Variants in CACNA1C observed in about 807,000 individuals in gnomAD.
CACNA1C encodes the protein voltage-dependent L-type calcium channel subunit alpha-1C.
CACNA1C carries 30 observed loss-of-function variants against 229.0 expected under a neutral mutation model. That is an observed-to-expected ratio of 0.13 (90% CI 0.10 to 0.18). CACNA1C has a LOEUF of 0.18. CACNA1C is among the 10% of genes least tolerant of loss of function. CACNA1C has a pLI of 1.00. For missense variants in CACNA1C, 1,658 were observed against 2,845.0 expected (o/e 0.58, Z 9.49); for synonymous variants, 1,114 against 1,132.5 (o/e 0.98, Z 0.33).
intron 3 of CACNA1C, among the ~76,000 whole-genome samples, chr12:2,320,877 T>G (rs1481577384): frequency 6.6e-6 from 1 of 152,218 alleles, no homozygotes; most frequent in African/African-American, 2.4e-5. Flanking sequence ...CCTCATTCCC[T>G]GCACCTATGG....
rs1195846671 is a variant in CACNA1C at position 1,977,550 on chromosome 12, A to G, written c.139+6349A>G. 2.0e-5 allele frequency among the ~76,000 whole-genome samples: 3 copies of G among 152,216 alleles called. No individual in the cohort carries two copies. The South Asian group carries it at 6.2e-4, about 32-fold the overall frequency. On this transcript the variant is annotated intron_variant, in intron 1 of 46. Transcript: ENST00000682462. ...GCGAATTTTGTTAAGTACACTGTAC[A>G]TGTCTATTTCTTATCTAAATCTGTT...
chr12:2,434,117 C>G (rs2099112137), intron 3 of CACNA1C, among the ~76,000 whole-genome samples: 1 of 152,116 alleles, frequency 6.6e-6, no homozygotes, highest in Non-Finnish European at 1.5e-5. Flanking sequence ...CTTCCTGCAC[C>G]CGCTCCCTCT....
chr12:2,160,998 T>A (rs1262207824), intron 3 of CACNA1C, among the ~76,000 whole-genome samples: 1 of 152,184 alleles, frequency 6.6e-6, no homozygotes, highest in African/African-American at 2.4e-5. Flanking sequence ...ATTTTTATAT[T>A]TTCAGTGCAG....
At chr12:2,116,467 ACCATTGT>A (rs2083915535) in intron 2 of CACNA1C, among the ~76,000 whole-genome samples, 1 of 149,720 alleles carries the variant, frequency 6.7e-6, no homozygotes, top group South Asian at 2.1e-4. Flanking sequence ...CTGGGTTCGC[ACCATTGT>A]CCTGCCTCAG....
intron 1 of CACNA1C, among the ~76,000 whole-genome samples, chr12:2,074,101 A>G (rs2062312483): frequency 6.6e-6 from 1 of 152,226 alleles, no homozygotes; most frequent in Non-Finnish European, 1.5e-5. Flanking sequence ...AATCATTGCC[A>G]TCAAACAAAT....
intron 1 of CACNA1C, among the ~76,000 whole-genome samples, chr12:2,059,855 CT>C (rs2056789772): frequency 6.6e-6 from 1 of 152,110 alleles, no homozygotes; most frequent in Admixed American, 6.5e-5. Flanking sequence ...TGCTGGCCCC[CT>C]GAGAGAGCAT....
intron 29 of CACNA1C, among the ~76,000 whole-genome samples, chr12:2,628,406 A>T (rs1426134424): frequency 6.6e-6 from 1 of 152,208 alleles, no homozygotes; most frequent in African/African-American, 2.4e-5. Context: ...GCCAGATTTC[A>T]TTCAGGAGAG....
Position 2,581,647 on chromosome 12 carries a change from C to A in CACNA1C, c.1953C>A (p.Ile651=). The A allele has an allele frequency of 6.3e-7, 1 of 1,599,810 alleles. No individual in the cohort carries two copies. Among genetic ancestry groups the A allele is most frequent in the Non-Finnish European group, 8.5e-7 (1 of 1,172,582 alleles). The part of the protein sequence containing the change: ...VASLLNSVRS[I]ASLLLLLFLF... ...CCTTGCTGAACTCTGTGCGCTCCAT[C>A]GCCTCCCTGCTCCTTCTCCTCTTCC... Residue 651 remains isoleucine, a synonymous_variant, in exon 14 of 47, where the codon ATC becomes ATA. Transcript: ENST00000399655.
At chr12:2,471,190 A>T (rs1597336300) in intron 5 of CACNA1C, among the ~76,000 whole-genome samples, 1 of 152,240 alleles carries the variant, frequency 6.6e-6, no homozygotes, top group South Asian at 2.1e-4. Flanking sequence ...TAAAATTCAC[A>T]TATTTTAAGT....
In CACNA1C at chr12:2,108,952, C is replaced by T. The variant is rs966650550; in HGVS notation, c.50-6272C>T. On this transcript the variant is annotated intron_variant, in intron 1 of 46. Transcript: ENST00000399655. The surrounding 1 kb of genome is among the most constrained non-coding windows in gnomAD (Gnocchi z 5.3). ...CAGACAGCAAGAGCCAAGTGGGCTT[C>T]TGGGTGACATGTTGGCCTGAGAGAA... Among the ~76,000 whole-genome samples, 1 of 152,210 alleles carries T rather than the reference C, an allele frequency of 6.6e-6. No homozygotes were observed. Among genetic ancestry groups the T allele is most frequent in the African/African-American group, 2.4e-5 (1 of 41,442 alleles).
chr12:2,510,842 T>C (rs2099782087), intron 8 of CACNA1C, among the ~76,000 whole-genome samples: 1 of 152,166 alleles, frequency 6.6e-6, no homozygotes, highest in African/African-American at 2.4e-5. Flanking sequence ...TTTTTGGAGT[T>C]GATTTGCATA....
At chr12:2,416,925 C>T (rs768984148) in intron 3 of CACNA1C, among the ~76,000 whole-genome samples, 19 of 152,326 alleles carry the variant, frequency 1.2e-4, no homozygotes, top group Admixed American at 5.2e-4. Context: ...GCTCCACATC[C>T]GGAGTGTTCA....
intron 3 of CACNA1C, among the ~76,000 whole-genome samples, chr12:2,391,765 A>C (rs897741104): frequency 6.6e-6 from 1 of 152,234 alleles, no homozygotes; most frequent in Non-Finnish European, 1.5e-5. Context: ...CTGAAAGAAC[A>C]CCCACTCTGT....
chr12:1,991,099 T>G, intron 1 of CACNA1C: 1 of 456,208 alleles, frequency 2.2e-6, no homozygotes, highest in Non-Finnish European at 4.4e-6. Flanking sequence ...AGAAACATTT[T>G]AATATGCATC....
intron 3 of CACNA1C, among the ~76,000 whole-genome samples, chr12:2,231,010 G>A (rs2064949204): frequency 6.6e-6 from 1 of 152,198 alleles, no homozygotes; most frequent in South Asian, 2.1e-4. Context: ...GGACTATTGG[G>A]AGGGAGTTTT....
At chr12:2,361,301 C>T (rs2097550899) in intron 3 of CACNA1C, among the ~76,000 whole-genome samples, 1 of 152,100 alleles carries the variant, frequency 6.6e-6, no homozygotes, top group South Asian at 2.1e-4. Flanking sequence ...TCCCAGCCTT[C>T]CTCCTTAGTA....
chr12:2,653,937 G>A lies in CACNA1C; in HGVS notation c.4140+37G>A, dbSNP rs373263099. The A allele has an allele frequency of 1.8e-5, 28 of 1,552,236 alleles. No homozygotes were observed. Among genetic ancestry groups the A allele is most frequent in the South Asian group, 6.7e-5 (6 of 89,668 alleles). On this transcript the variant is annotated intron_variant, in intron 33 of 46. Transcript: ENST00000399655. The surrounding 1 kb of genome is among the most constrained non-coding windows in gnomAD (Gnocchi z 4.7). ...CCCACCACGGGGCTCCTGGCCTCCC[G>A]CTCTGTCTCTCCCCAGTTCCCAGCA...
At chr12:2,123,565 A>C (rs780485551) in intron 3 of CACNA1C, among the ~76,000 whole-genome samples, 2 of 151,716 alleles carry the variant, frequency 1.3e-5, no homozygotes, top group South Asian at 4.2e-4. Context: ...CCCAAATAGA[A>C]CTCATTCTCT....
intron 37 of CACNA1C, among the ~76,000 whole-genome samples, chr12:2,667,179 T>C (rs1326751963): frequency 6.7e-6 from 1 of 148,314 alleles, no homozygotes; most frequent in Non-Finnish European, 1.5e-5. Flanking sequence ...ATACAAAGTT[T>C]ACCAGGGAGA....
Sources: gnomAD v4.1 joint callset for allele counts (sites outside exome capture counted in the v4.1 genomes callset) on GRCh38, gnomAD v4.1.1 for gene constraint, Gnocchi (gnomAD v3.1) non-coding constraint, MANE v1.5 for transcripts, NCBI Gene and HGNC (gene_info 2026-07-23, HGNC 2026-07-21) for gene names.